Variants in LRP6 observed in about 807,000 individuals in gnomAD.
The protein encoded by LRP6 is low-density lipoprotein receptor-related protein 6.
A neutral mutation model predicts 184.1 loss-of-function variants in LRP6; 43 were observed. The observed-to-expected ratio is 0.23, with a 90% CI of 0.18 to 0.30. LRP6 has a LOEUF of 0.30. Ranked by LOEUF, LRP6 falls within the 10% of genes least tolerant of loss-of-function variation. The pLI is 1.00. For synonymous variants in LRP6, 719 were observed against 684.9 expected, an observed-to-expected ratio of 1.05 and a Z score of -0.78; for missense variants, 1,571 against 2,005.3, an observed-to-expected ratio of 0.78 and a Z score of 4.14.
chr12:12,200,317 A>C (rs1192712592), intron 3 of LRP6, among the ~76,000 whole-genome samples: 3 of 152,196 alleles, frequency 2.0e-5, no homozygotes, highest in Non-Finnish European at 4.4e-5. Context: ...TTGTCTGGTA[A>C]TTAAGTCCCA....
chr12:12,224,262 T>C (rs1012823315), intron 2 of LRP6, among the ~76,000 whole-genome samples: 4 of 152,236 alleles, frequency 2.6e-5, no homozygotes, highest in Admixed American at 1.3e-4. Context: ...CTGTGTAGTA[T>C]GCTTTTTTCC....
rs1229160583 is a variant in LRP6 at position 12,126,733 on chromosome 12, C to T, written c.4270G>A (p.Gly1424Ser). The change falls in exon 20 of 23, where the codon GGT (glycine) becomes AGT (serine). Residue 1424 changes from glycine to serine, a missense_variant. Coordinates refer to ENST00000261349, the MANE Select transcript of LRP6 (RefSeq NM_002336.3). The part of the protein sequence containing the change: ...VVHGPASVPL[G>S]YVPHPSSLSG... ...AAAGAACTTGGGTGTGGCACATAAC[C>T]AAGAGGCACAGAAGCTGGTCCATGA... is the stretch of plus-strand genomic sequence containing the variant. 2.5e-6 allele frequency: 4 copies of T among 1,613,968 alleles called. No homozygotes were observed. The highest frequency in any genetic ancestry group is 2.7e-5 in the African/African-American group (2 of 74,898).
rs1403164110 is a variant in LRP6 at position 12,120,015 on chromosome 12, ATATATATATATATATATATATATATAT to A, written c.*1084_*1110del. 2 of 105,876 alleles carry A rather than the reference ATATATATATATATATATATATATATAT, an allele frequency of 1.9e-5. No homozygotes were observed. Among genetic ancestry groups the A allele is most frequent in the African/African-American group, 6.5e-5 (2 of 30,622 alleles). 6.6% of individuals were successfully genotyped at this position (105,876 alleles called of 1,614,324 possible). Reference sequence around the variant, plus strand: ...AATATATATATATATATATATATATATATATATATATATATATATATATATATAAATGATTTCGTACTGTGATATATG... The same window carrying A: ...AATATATATATATATATATATATATAAAATGATTTCGTACTGTGATATATG... On this transcript the variant is annotated 3_prime_UTR_variant, in exon 23 of 23. Transcript: ENST00000261349.
chr12:12,182,340 A>T (rs940962881), intron 5 of LRP6, among the ~76,000 whole-genome samples: 10 of 152,218 alleles, frequency 6.6e-5, no homozygotes, highest in African/African-American at 2.4e-4. Flanking sequence ...TGAATTTTAA[A>T]TTAGGTTTAT....
rs755234434 is a variant in LRP6, at chr12:12,179,897, G to A, written c.1458C>T (p.Asn486=). 6.2e-6 allele frequency: 10 copies of A among 1,613,950 alleles called. No individual in the cohort carries two copies. The highest frequency in any genetic ancestry group is 5.5e-5 in the South Asian group (5 of 91,080). ...LDGSDRVVLV[N]TSLGWPNGLA... is the part of the protein sequence containing the mutation. ...AACCATTTGGCCAACCAAGAGAAGT[G>A]TTAACCAATACTACACGGTCAGAAC... The change falls in exon 7 of 23, where the codon AAC becomes AAT. Residue 486 remains asparagine (N), a synonymous_variant. Coordinates refer to ENST00000261349, the MANE Select transcript of LRP6 (RefSeq NM_002336.3).
At chr12:12,249,075 G>T in intron 1 of LRP6, 1 of 700,900 alleles carries the variant, frequency 1.4e-6, no homozygotes, top group South Asian at 1.5e-5. Context: ...AAAGGAGTAG[G>T]AGATGGCAGT....
chr12:12,248,334 T>A (rs1465728230), intron 1 of LRP6, among the ~76,000 whole-genome samples: 1 of 152,176 alleles, frequency 6.6e-6, no homozygotes, highest in Non-Finnish European at 1.5e-5. Context: ...CAAAATCTTA[T>A]AACATTGGTA....
intron 9 of LRP6, 98 bp downstream of exon 9, chr12:12,164,175 C>CAA: frequency 9.1e-7 from 1 of 1,101,368 alleles, no homozygotes; most frequent in Non-Finnish European, 1.3e-6. Flanking sequence ...CTCTGCCTGT[C>CAA]AAACAATGAG....
chr12:12,188,080 T>C (rs746566405), intron 3 of LRP6, among the ~76,000 whole-genome samples: 4 of 151,512 alleles, frequency 2.6e-5, no homozygotes, highest in Non-Finnish European at 4.4e-5. Context: ...GGCGTGGTGG[T>C]GGGCGCCTGT....
chr12:12,246,241 G>A (rs1460666499), intron 1 of LRP6, among the ~76,000 whole-genome samples: 1 of 151,590 alleles, frequency 6.6e-6, no homozygotes, highest in Non-Finnish European at 1.5e-5. Context: ...CCTGGCCTCC[G>A]GTGATCCACC....
chr12:12,245,449 G>C (rs1389944423), intron 1 of LRP6, among the ~76,000 whole-genome samples: 1 of 151,970 alleles, frequency 6.6e-6, no homozygotes, highest in Non-Finnish European at 1.5e-5. Context: ...ATGAGGGGGA[G>C]GATTAAAAAT....
intron 2 of LRP6, among the ~76,000 whole-genome samples, chr12:12,217,423 A>C (rs957826854): frequency 1.3e-5 from 2 of 152,080 alleles, no homozygotes; most frequent in Admixed American, 6.6e-5. Flanking sequence ...TAATTATTTC[A>C]TTATACATCA....
chr12:12,223,544 T>TA (rs563912772), intron 2 of LRP6, among the ~76,000 whole-genome samples: 28 of 152,350 alleles, frequency 1.8e-4, no homozygotes, highest in Non-Finnish European at 3.7e-4. Context: ...TGACTGGTAA[T>TA]ACATAGGTAT....
intron 4 of LRP6, among the ~76,000 whole-genome samples, chr12:12,185,480 C>G (rs977639236): frequency 6.6e-6 from 1 of 152,100 alleles, no homozygotes; most frequent in African/African-American, 2.4e-5. Context: ...AAATGGAGAG[C>G]TAATATAAAG....
Position 12,147,391 on chromosome 12 carries a change from C to T in LRP6, c.3372G>A (p.Arg1124=). The T allele has an allele frequency of 1.2e-6, 2 of 1,614,084 alleles. No homozygotes were observed. Among genetic ancestry groups the T allele is most frequent in the Non-Finnish European group, 1.7e-6 (2 of 1,180,016 alleles). ...CTGAGAGATCACTGCTTTCAATTCG[C>T]CGGAGATCTGAATCAGCCCAAAAGA... is the stretch of plus-strand genomic sequence containing the variant. ...GKLFWADSDL[R]RIESSDLSGA... is the part of the protein sequence containing the mutation. Residue 1124 remains arginine (R), a synonymous_variant, in exon 15 of 23, where the codon CGG becomes CGA. Transcript: ENST00000261349.
chr12:12,161,833 G>A (rs897951204), intron 10 of LRP6, among the ~76,000 whole-genome samples: 6 of 151,618 alleles, frequency 4.0e-5, no homozygotes, highest in Admixed American at 6.6e-5. Context: ...ACATTGTTTC[G>A]GTGGGTTTAC....
chr12:12,236,980 C>T (rs1251627802), intron 2 of LRP6, among the ~76,000 whole-genome samples: 1 of 152,146 alleles, frequency 6.6e-6, no homozygotes, highest in Non-Finnish European at 1.5e-5. Flanking sequence ...TCCCTCTCCC[C>T]TGCCCAAGGA....
Position 12,158,956 on chromosome 12 carries a change from T to C in LRP6, c.2664A>G (p.Ser888=). The C allele has an allele frequency of 6.2e-7, 1 of 1,614,218 alleles. No homozygotes were observed. The highest frequency in any genetic ancestry group is 8.5e-7 in the Non-Finnish European group (1 of 1,180,036). ...TGCTGGAAGCACATTCATTCCACCC[T>C]GACTGTCGAGATGAGTGAAAGACGA... The part of the protein sequence containing the change: ...DILVFHSSRQ[S]GWNECASSNG... The change falls in exon 12 of 23, where the codon TCA becomes TCG. Residue 888 remains serine (S), a synonymous_variant. Transcript: ENST00000261349.
intron 7 of LRP6, among the ~76,000 whole-genome samples, chr12:12,171,624 C>T (rs867002956): frequency 1.3e-5 from 2 of 152,036 alleles, no homozygotes; most frequent in South Asian, 2.1e-4. Context: ...AAGGATCCTC[C>T]GAAGAGATTA....
Sources: gnomAD v4.1 joint callset for allele counts (sites outside exome capture counted in the v4.1 genomes callset) on GRCh38, gnomAD v4.1.1 for gene constraint, MANE v1.5 for transcripts, NCBI Gene and HGNC (gene_info 2026-07-23, HGNC 2026-07-21) for gene names.